The following SLC35F3 variants were observed in gnomAD, a reference collection of about 807,000 sequenced individuals.
SLC35F3 encodes solute carrier family 35 member F3, also known as putative thiamine transporter SLC35F3.
Under a neutral mutation model 49.9 loss-of-function variants are expected in SLC35F3, and 25 were observed. The observed-to-expected ratio is 0.50, with a 90% CI of 0.37 to 0.70. The LOEUF (loss-of-function observed/expected upper bound fraction) is 0.70. Ranked by LOEUF, SLC35F3 falls within the 30% of genes least tolerant of loss-of-function variation. SLC35F3 has a pLI of 0.00. For synonymous variants in SLC35F3, 275 were observed against 265.4 expected, an observed-to-expected ratio of 1.04 and a Z score of -0.35; for missense variants, 525 against 639.8, an observed-to-expected ratio of 0.82 and a Z score of 1.94.
At chr1:234,050,544 T>C (rs1477633437) in intron 2 of SLC35F3, among the ~76,000 whole-genome samples, 4 of 152,358 alleles carry the variant, frequency 2.6e-5, no homozygotes, top group Middle Eastern at 6.8e-3. Flanking sequence ...ATTAGCCCTT[T>C]GTCAGATGAG....
intron 7 of SLC35F3, among the ~76,000 whole-genome samples, chr1:234,322,629 A>G (rs1045303573): frequency 6.8e-6 from 1 of 147,410 alleles, no homozygotes; most frequent in Non-Finnish European, 1.5e-5. Context: ...GTTCAAACCC[A>G]TGTTGTTCAA....
chr1:233,995,229 A>G (rs2102829237), intron 2 of SLC35F3, among the ~76,000 whole-genome samples: 1 of 152,306 alleles, frequency 6.6e-6, no homozygotes, highest in Non-Finnish European at 1.5e-5. Flanking sequence ...TCAAATACTG[A>G]CATACACATT....
intron 2 of SLC35F3, among the ~76,000 whole-genome samples, chr1:234,032,606 T>C (rs752609188): frequency 6.6e-6 from 1 of 152,238 alleles, no homozygotes; most frequent in East Asian, 1.9e-4. Flanking sequence ...GAATATACAA[T>C]GTTTGGTTTT....
intron 2 of SLC35F3, among the ~76,000 whole-genome samples, chr1:234,178,461 G>GAAAAAAAAA: frequency 7.1e-6 from 1 of 140,984 alleles, no homozygotes; most frequent in Non-Finnish European, 1.5e-5. Flanking sequence ...CTCTCCTAAG[G>GAAAAAAAAA]AAAAAAAAAA....
intron 2 of SLC35F3, among the ~76,000 whole-genome samples, chr1:234,226,092 G>A (rs1045883049): frequency 6.6e-6 from 1 of 152,154 alleles, no homozygotes; most frequent in Non-Finnish European, 1.5e-5. Flanking sequence ...TGATACTATG[G>A]TAATGGTTTC....
intron 2 of SLC35F3, among the ~76,000 whole-genome samples, chr1:234,134,718 G>A (rs1665784646): frequency 6.6e-6 from 1 of 151,874 alleles, no homozygotes; most frequent in Non-Finnish European, 1.5e-5. Flanking sequence ...TGGTTTTTTT[G>A]TGGGTTTTTT....
intron 3 of SLC35F3, among the ~76,000 whole-genome samples, chr1:234,276,508 T>C (rs1317726024): frequency 1.3e-5 from 2 of 151,838 alleles, no homozygotes; most frequent in African/African-American, 2.4e-5. Context: ...TTACAGCTTA[T>C]TGTACATGGA....
At chr1:234,294,502 C>T (rs1668561499) in intron 3 of SLC35F3, among the ~76,000 whole-genome samples, 1 of 152,208 alleles carries the variant, frequency 6.6e-6, no homozygotes, top group African/African-American at 2.4e-5. Flanking sequence ...TCCCCATCAC[C>T]CTGGGCAGAA....
chr1:234,049,966 C>T (rs1023955128), intron 2 of SLC35F3, among the ~76,000 whole-genome samples: 1 of 152,212 alleles, frequency 6.6e-6, no homozygotes, highest in Non-Finnish European at 1.5e-5. Flanking sequence ...AGGACATGAA[C>T]TCATCCTTTT....
intron 3 of SLC35F3, among the ~76,000 whole-genome samples, chr1:234,302,478 T>G (rs1668707821): frequency 6.6e-6 from 1 of 152,120 alleles, no homozygotes; most frequent in Admixed American, 6.6e-5. Flanking sequence ...ATGGAGAACT[T>G]GAGCGTAGAT....
At chr1:234,000,915 C>T (rs1480073919) in intron 2 of SLC35F3, among the ~76,000 whole-genome samples, 1 of 152,176 alleles carries the variant, frequency 6.6e-6, no homozygotes, top group Non-Finnish European at 1.5e-5. Context: ...CACTGTTTGA[C>T]AGTGACAATG....
At chr1:234,069,111 GTA>G (rs1442794442) in intron 2 of SLC35F3, among the ~76,000 whole-genome samples, 1 of 116,430 alleles carries the variant, frequency 8.6e-6, no homozygotes, top group African/African-American at 3.4e-5. Context: ...ATAATATATT[GTA>G]TATTTTTGTA....
rs1663710280 is a variant in SLC35F3 at position 234,011,085 on chromosome 1, T to C, written c.283+105327T>C. Among the ~76,000 whole-genome samples the C allele has an allele frequency of 2.6e-5, 4 of 152,194 alleles. No individual in the cohort carries two copies. In the South Asian group the frequency reaches 8.3e-4, roughly 31 times the overall value. On this transcript the variant is annotated intron_variant, in intron 2 of 7. Transcript: ENST00000366618. ...GGTCACAAAAACATCACCAAACTTC[T>C]AAACAAAGACCCCAAACACTTCTAA... is the stretch of plus-strand genomic sequence containing the variant.
chr1:233,914,298 C>G (rs1487949576), intron 2 of SLC35F3, among the ~76,000 whole-genome samples: 1 of 152,164 alleles, frequency 6.6e-6, no homozygotes, highest in South Asian at 2.1e-4. Context: ...GATAGAGAGG[C>G]AGAGAAAGCT....
chr1:233,954,579 G>T (rs1662663893), intron 2 of SLC35F3, among the ~76,000 whole-genome samples: 1 of 152,248 alleles, frequency 6.6e-6, no homozygotes. Context: ...CCATGCAGTG[G>T]TTTTGGACAA....
intron 2 of SLC35F3, among the ~76,000 whole-genome samples, chr1:234,178,164 T>C (rs1216186572): frequency 6.6e-6 from 1 of 152,164 alleles, no homozygotes; most frequent in African/African-American, 2.4e-5. Flanking sequence ...TGAAAGACTA[T>C]TATCATTCAG....
chr1:234,224,970 T>G (rs968839723), intron 2 of SLC35F3, among the ~76,000 whole-genome samples: 1 of 152,232 alleles, frequency 6.6e-6, no homozygotes, highest in Non-Finnish European at 1.5e-5. Context: ...ATAGATTATG[T>G]TCTTTCCCTG....
chr1:234,208,361 G>A (rs1433312428), intron 2 of SLC35F3, among the ~76,000 whole-genome samples: 2 of 152,324 alleles, frequency 1.3e-5, no homozygotes, highest in East Asian at 1.9e-4. Context: ...ACCAGTCCAA[G>A]TAGGGCAACA....
chr1:234,321,879 A>T (rs1161833800), intron 7 of SLC35F3, among the ~76,000 whole-genome samples: 5 of 152,052 alleles, frequency 3.3e-5, no homozygotes, highest in African/African-American at 1.2e-4. Flanking sequence ...TGTTTTACCA[A>T]TATTAAAAAT....
Sources: allele counts gnomAD v4.1 joint callset (sites outside exome capture counted in the v4.1 genomes callset), GRCh38; gene constraint gnomAD v4.1.1; transcripts MANE v1.5; gene names NCBI Gene and HGNC (gene_info 2026-07-23, HGNC 2026-07-21).